Variants in PUS7 observed in about 807,000 individuals in gnomAD.
The protein encoded by PUS7 is pseudouridine synthase 7, also known as pseudouridylate synthase 7 homolog.
In PUS7, 48 loss-of-function variants were observed where a neutral mutation model predicts 79.8. The ratio of observed to expected loss-of-function variants is 0.60; its 90% CI spans 0.48 to 0.76. The LOEUF (loss-of-function observed/expected upper bound fraction) is 0.76. Among genes scored for constraint, PUS7 ranks in the 30% least tolerant of loss-of-function variants. The pLI, the probability that PUS7 is intolerant of heterozygous loss-of-function variation, is 0.00. For missense variants in PUS7, 729 were observed against 797.6 expected, an observed-to-expected ratio of 0.91 and a Z score of 1.04; for synonymous variants, 286 against 272.2, an observed-to-expected ratio of 1.05 and a Z score of -0.50.
At chr7:105,458,201 A>G (rs141857415) in intron 15 of PUS7, among the ~76,000 whole-genome samples, 8 of 152,282 alleles carry the variant, frequency 5.3e-5, no homozygotes, top group Admixed American at 5.2e-4. Context: ...AAATAATAAT[A>G]AATTACGGCC....
At chr7:105,473,267 G>T (rs1428900826) in intron 9 of PUS7, among the ~76,000 whole-genome samples, 4 of 151,950 alleles carry the variant, frequency 2.6e-5, no homozygotes, top group Non-Finnish European at 5.9e-5. Context: ...AATTTTATTT[G>T]TTGAGACAGT....
intron 7 of PUS7, among the ~76,000 whole-genome samples, chr7:105,485,153 T>C (rs2133146891): frequency 6.6e-6 from 1 of 150,804 alleles, no homozygotes; most frequent in East Asian, 2.0e-4. Context: ...CCACACCTGG[T>C]CAGAGATTCT....
rs75528170 is a variant in PUS7 at position 105,486,680 on chromosome 7, C to G, written c.921-4240G>C. Among the ~76,000 whole-genome samples the G allele has an allele frequency of 4.1e-3, 623 of 152,080 alleles. 9 individuals are homozygous for G. The highest frequency in any genetic ancestry group is 0.015 in the African/African-American group (602 of 41,500). ...CAGGAGCTGTCCTAGAGAGAGTGTTCCGGAGACTGCTTCCTGATGGTGCCA... is the reference window on the plus strand; with the variant it reads ...CAGGAGCTGTCCTAGAGAGAGTGTTGCGGAGACTGCTTCCTGATGGTGCCA... On this transcript the variant is annotated intron_variant, in intron 7 of 15. Transcript: ENST00000469408.
intron 4 of PUS7, among the ~76,000 whole-genome samples, chr7:105,503,917 G>A (rs1825353425): frequency 1.3e-5 from 2 of 152,124 alleles, no homozygotes; most frequent in South Asian, 4.1e-4. Flanking sequence ...CCATGCCTGA[G>A]CCACTGTGCC....
Position 105,457,762 on chromosome 7 carries a change from G to GT in PUS7, c.*27dup, listed in dbSNP as rs751814330. 1 of 1,607,142 alleles carries GT rather than the reference G, an allele frequency of 6.2e-7. No individual in the cohort carries two copies. Among genetic ancestry groups the GT allele is most frequent in the South Asian group, 1.1e-5 (1 of 90,052 alleles). ...AGCCAGGAAGCAAACACTTGTGTAC[G>GT]TTTTCTAATCTGTGGACAAGGTACT... On this transcript the variant is annotated 3_prime_UTR_variant, in exon 16 of 16. Transcript: ENST00000469408.
intron 6 of PUS7, among the ~76,000 whole-genome samples, chr7:105,493,442 C>T (rs1180857162): frequency 6.6e-6 from 1 of 152,204 alleles, no homozygotes; most frequent in Non-Finnish European, 1.5e-5. Context: ...CAGGTACAGG[C>T]ATAGTAGCAC....
chr7:105,478,094 C>T (rs1204907921), intron 9 of PUS7, among the ~76,000 whole-genome samples: 1 of 152,190 alleles, frequency 6.6e-6, no homozygotes, highest in Non-Finnish European at 1.5e-5. Context: ...CAGGCATGAG[C>T]CCCTGTGCCC....
chr7:105,458,386 G>C (rs1176339433), intron 15 of PUS7, among the ~76,000 whole-genome samples: 2 of 151,022 alleles, frequency 1.3e-5, no homozygotes, highest in African/African-American at 2.4e-5. Flanking sequence ...TCAGCCTCCT[G>C]AGTAGCTGGG....
chr7:105,461,326 T>G (rs943890579), intron 14 of PUS7, among the ~76,000 whole-genome samples: 3 of 152,220 alleles, frequency 2.0e-5, no homozygotes, highest in Middle Eastern at 3.2e-3. Context: ...AATTCAGTGA[T>G]GCCAATAAAA....
chr7:105,469,404 C>A (rs1191939217), intron 11 of PUS7, among the ~76,000 whole-genome samples: 1 of 152,182 alleles, frequency 6.6e-6, no homozygotes, highest in African/African-American at 2.4e-5. Context: ...GATTCTCCCA[C>A]CTCAGCCTTC....
intron 7 of PUS7, among the ~76,000 whole-genome samples, chr7:105,484,546 C>T (rs557417027): frequency 1.5e-4 from 23 of 150,748 alleles, no homozygotes; most frequent in South Asian, 6.3e-4. Flanking sequence ...GGACCGGGCG[C>T]GGTGCTTCAT....
intron 9 of PUS7, among the ~76,000 whole-genome samples, chr7:105,476,238 C>T (rs1824105793): frequency 1.3e-5 from 2 of 151,994 alleles, no homozygotes; most frequent in Non-Finnish European, 2.9e-5. Context: ...GTATCTCCTA[C>T]CTTTCGGCTA....
rs1338233270 is a variant in PUS7 at position 105,522,200 on chromosome 7, G to C, written c.-181C>G. On this transcript the variant is annotated 5_prime_UTR_variant, in exon 1 of 16. The change creates a new upstream start codon in the 5' untranslated region. Coordinates refer to ENST00000469408, the MANE Select transcript of PUS7 (RefSeq NM_019042.5). Reference sequence around the variant, plus strand: ...GCAGCGCTTTCCGCGCGGAGGACCAGATGCGCTCCAGCCGACTCACCGGCG... The same window carrying C: ...GCAGCGCTTTCCGCGCGGAGGACCACATGCGCTCCAGCCGACTCACCGGCG... 6.6e-6 allele frequency: 1 copy of C among 151,956 alleles called. No homozygotes were observed. Among genetic ancestry groups the C allele is most frequent in the Non-Finnish European group, 1.5e-5 (1 of 68,016 alleles). 9.4% of individuals were successfully genotyped at this position (151,956 alleles called of 1,614,324 possible). A position where few individuals can be genotyped will look rare whatever the true frequency, so the allele number is the denominator to read the frequency against.
intron 5 of PUS7, among the ~76,000 whole-genome samples, chr7:105,501,260 C>G (rs1825236052): frequency 6.6e-6 from 1 of 152,112 alleles, no homozygotes; most frequent in Non-Finnish European, 1.5e-5. Flanking sequence ...GTTATATGGT[C>G]TTAGAATTTT....
At chr7:105,475,809 C>T (rs1276424355) in intron 9 of PUS7, among the ~76,000 whole-genome samples, 2 of 152,032 alleles carry the variant, frequency 1.3e-5, no homozygotes, top group Non-Finnish European at 2.9e-5. Context: ...TTAATCTTCC[C>T]CAGCTGAAAC....
intron 7 of PUS7, among the ~76,000 whole-genome samples, chr7:105,482,889 T>TA (rs1326593969): frequency 6.6e-6 from 1 of 152,018 alleles, no homozygotes; most frequent in Non-Finnish European, 1.5e-5. Context: ...TTGGAAAATA[T>TA]AAAAAAGAGA....
intron 14 of PUS7, among the ~76,000 whole-genome samples, chr7:105,460,099 C>T (rs927672763): frequency 2.6e-5 from 4 of 152,040 alleles, no homozygotes; most frequent in Non-Finnish European, 4.4e-5. Context: ...CCACCATGCC[C>T]GGCTAATTTT....
rs1021018941 is a variant in PUS7, at chr7:105,456,928, G to A, written c.*862C>T. 6.6e-6 allele frequency: 1 copy of A among 151,976 alleles called. No individual in the cohort carries two copies. The highest frequency in any genetic ancestry group is 1.5e-5 in the Non-Finnish European group (1 of 68,016). 9.4% of individuals were successfully genotyped at this position (151,976 alleles called of 1,614,324 possible). A position where few individuals can be genotyped will look rare whatever the true frequency, so the allele number is the denominator to read the frequency against. ...GCACAGCTCATGCCTGTAATCCCAGGAGTTAGCCTCGGCAACATGGCCAAA... is the reference window on the plus strand; with the variant it reads ...GCACAGCTCATGCCTGTAATCCCAGAAGTTAGCCTCGGCAACATGGCCAAA... On this transcript the variant is annotated 3_prime_UTR_variant, in exon 16 of 16. Coordinates refer to ENST00000469408, the MANE Select transcript of PUS7 (RefSeq NM_019042.5).
chr7:105,481,285 T>A, intron 8 of PUS7, 108 bp from the exon 9 acceptor site: 1 of 835,370 alleles, frequency 1.2e-6, no homozygotes, highest in Non-Finnish European at 1.7e-6. Flanking sequence ...TTCACTCTCC[T>A]GCAGCTTTCT....
Sources: gnomAD v4.1 joint callset for allele counts (sites outside exome capture counted in the v4.1 genomes callset) on GRCh38, gnomAD v4.1.1 for gene constraint, MANE v1.5 for transcripts, NCBI Gene and HGNC (gene_info 2026-07-23, HGNC 2026-07-21) for gene names.